The following CDK13 variants were observed in gnomAD, a reference collection of about 807,000 sequenced individuals.
CDK13 encodes the protein cyclin-dependent kinase 13.
Under a neutral mutation model 137.6 loss-of-function variants are expected in CDK13, and 40 were observed. The observed-to-expected ratio is 0.29, with a 90% CI of 0.23 to 0.38. The LOEUF (loss-of-function observed/expected upper bound fraction) is 0.38, where lower values mean the gene tolerates loss of function less well. Among genes scored for constraint, CDK13 ranks in the 10% least tolerant of loss-of-function variants. The pLI, the probability that CDK13 is intolerant of heterozygous loss-of-function variation, is 1.00. For synonymous variants in CDK13, 869 were observed against 760.1 expected (o/e 1.14, Z -2.36); for missense variants, 1,704 against 1,951.8 (o/e 0.87, Z 2.39).
At chr7:40,076,807 A>G (rs1020156190) in intron 9 of CDK13, among the ~76,000 whole-genome samples, 4 of 152,224 alleles carry the variant, frequency 2.6e-5, no homozygotes, top group Admixed American at 2.6e-4. Flanking sequence ...ATATACATTT[A>G]TACATGCATT....
rs185503426 is a variant in CDK13 at position 40,095,641 on chromosome 7, A to G, written c.*661A>G. The G allele has an allele frequency of 1.1e-4, 16 of 152,318 alleles. No homozygotes were observed. The East Asian group carries it at 2.3e-3, about 22-fold the overall frequency. 9.4% of individuals were successfully genotyped at this position (152,318 alleles called of 1,614,324 possible). On this transcript the variant is annotated 3_prime_UTR_variant, in exon 14 of 14. Transcript: ENST00000181839. Reference sequence around the variant, plus strand: ...AAATGAAATAGTGGGTTTTATATGAAAACTATGGGTGGGGTGGGGAGGGAA... The same window carrying G: ...AAATGAAATAGTGGGTTTTATATGAGAACTATGGGTGGGGTGGGGAGGGAA...
At chr7:39,969,119 CCT>C (rs1344657062) in intron 1 of CDK13, among the ~76,000 whole-genome samples, 1 of 152,086 alleles carries the variant, frequency 6.6e-6, no homozygotes, top group Non-Finnish European at 1.5e-5. Flanking sequence ...AAGCGATTCC[CCT>C]GTCTCAGCCT....
Position 40,093,047 on chromosome 7 carries a change from C to G in CDK13, c.3498C>G (p.Ile1166Met). 6.2e-7 allele frequency: 1 copy of G among 1,614,210 alleles called. No individual in the cohort carries two copies. The highest frequency in any genetic ancestry group is 8.5e-7 in the Non-Finnish European group (1 of 1,180,044). ...LGGIQPSSQT[I>M]QPKVETDAAQ... ...GAATTCAGCCTTCTTCTCAGACCAT[C>G]CAGCCTAAAGTGGAGACTGATGCTG... The change falls in exon 13 of 14, where the codon ATC (isoleucine) becomes ATG (methionine). Residue 1166 changes from isoleucine (I) to methionine (M), a missense_variant. Ile to Met is a conservative substitution (Grantham distance 10). Around this residue, in one of 5 missense-constraint regions of CDK13, gnomAD observed 475 missense variants for 579.3 expected, o/e 0.82. Coordinates refer to ENST00000181839, the MANE Select transcript of CDK13 (RefSeq NM_003718.5).
At chr7:40,020,512 C>T (rs1785094464) in intron 5 of CDK13, among the ~76,000 whole-genome samples, 1 of 152,062 alleles carries the variant, frequency 6.6e-6, no homozygotes, top group Non-Finnish European at 1.5e-5. Flanking sequence ...ATTTCGTTGC[C>T]TAAGAAAGGC....
chr7:40,090,484 A>G (rs1433450521), intron 12 of CDK13, among the ~76,000 whole-genome samples: 1 of 152,102 alleles, frequency 6.6e-6, no homozygotes, highest in African/African-American at 2.4e-5. Flanking sequence ...CTCCAGAGTA[A>G]CTGGGATTAC....
chr7:39,953,294 A>G (rs1402245168), intron 1 of CDK13, among the ~76,000 whole-genome samples: 1 of 152,236 alleles, frequency 6.6e-6, no homozygotes, highest in Admixed American at 6.5e-5. Context: ...AAAATTAGCC[A>G]TTGTATCTTG....
intron 12 of CDK13, 122 bp downstream of exon 12, chr7:40,088,453 T>G: frequency 1.3e-6 from 1 of 769,762 alleles, no homozygotes. Context: ...TTCACTGAAC[T>G]AGACATTTCT....
At chr7:40,092,750 T>C in intron 12 of CDK13, 35 bp from the exon 13 acceptor site, 1 of 1,527,066 alleles carries the variant, frequency 6.5e-7, no homozygotes, top group South Asian at 1.1e-5. Flanking sequence ...AGCTGTGAAT[T>C]ATGACAGTTC....
chr7:39,982,816 T>TC (rs1164213509), intron 1 of CDK13, among the ~76,000 whole-genome samples: 1 of 152,232 alleles, frequency 6.6e-6, no homozygotes, highest in African/African-American at 2.4e-5. Context: ...AATGTCTTCT[T>TC]TTGAGAATTG....
intron 7 of CDK13, among the ~76,000 whole-genome samples, chr7:40,055,872 A>G (rs1474345260): frequency 6.6e-6 from 1 of 152,018 alleles, no homozygotes; most frequent in Non-Finnish European, 1.5e-5. Flanking sequence ...ATGAGCCACC[A>G]CGCCCGGATG....
chr7:39,981,222 G>A lies in CDK13; in HGVS notation c.1212-6377G>A, dbSNP rs189405414. Among the ~76,000 whole-genome samples, 28 of 152,068 alleles carry A rather than the reference G, an allele frequency of 1.8e-4. No homozygotes were observed. In the East Asian group the frequency reaches 4.1e-3, roughly 22 times the overall value. On this transcript the variant is annotated intron_variant, in intron 1 of 13. Transcript: ENST00000181839. Reference sequence around the variant, plus strand: ...ATCCCTGCAAAACATACAAAAATTAGTCGAGTGTGGTGGTGCGCGCCTGTA... The same window carrying A: ...ATCCCTGCAAAACATACAAAAATTAATCGAGTGTGGTGGTGCGCGCCTGTA...
intron 1 of CDK13, among the ~76,000 whole-genome samples, chr7:39,965,090 T>C (rs1382616815): frequency 2.0e-5 from 3 of 152,230 alleles, no homozygotes; most frequent in African/African-American, 7.2e-5. Context: ...CTGAAAAGAA[T>C]GTATATTCTG....
chr7:40,078,869 C>A lies in CDK13; in HGVS notation c.3029+18C>A. ...CCACCAGAGTAAGTGACTTTTTATC[C>A]TATTATTATTATATATTATTATTAT... On this transcript the variant is annotated intron_variant, in intron 11 of 13. Coordinates refer to ENST00000181839, the MANE Select transcript of CDK13 (RefSeq NM_003718.5). The A allele has an allele frequency of 8.7e-7, 1 of 1,146,906 alleles. No individual in the cohort carries two copies. The highest frequency in any genetic ancestry group is 1.1e-6 in the Non-Finnish European group (1 of 882,870). 71.0% of individuals were successfully genotyped at this position (1,146,906 alleles called of 1,614,324 possible). A position where few individuals can be genotyped will look rare whatever the true frequency, so the allele number is the denominator to read the frequency against.
At chr7:39,953,158 A>C (rs1787291349) in intron 1 of CDK13, among the ~76,000 whole-genome samples, 1 of 152,222 alleles carries the variant, frequency 6.6e-6, no homozygotes, top group Admixed American at 6.5e-5. Flanking sequence ...ATGTTTATAG[A>C]GATCTGAGCG....
intron 5 of CDK13, among the ~76,000 whole-genome samples, chr7:40,012,430 C>A (rs562842398): frequency 3.1e-4 from 47 of 151,946 alleles, no homozygotes; most frequent in Non-Finnish European, 6.0e-4. Context: ...AAGACCACAT[C>A]TCCTCAGAAA....
At chr7:40,081,187 A>T (rs1786655659) in intron 11 of CDK13, among the ~76,000 whole-genome samples, 1 of 152,104 alleles carries the variant, frequency 6.6e-6, no homozygotes, top group South Asian at 2.1e-4. Flanking sequence ...TCAGAATTAG[A>T]TTAAGAGTTT....
At chr7:40,065,492 A>G (rs1007620907) in intron 9 of CDK13, among the ~76,000 whole-genome samples, 8 of 152,136 alleles carry the variant, frequency 5.3e-5, no homozygotes, top group Admixed American at 2.0e-4. Context: ...CAAAAAAAAA[A>G]TCTCATAATA....
At chr7:39,985,747 G>C (rs1450431343) in intron 1 of CDK13, 2 of 152,188 alleles carry the variant, frequency 1.3e-5, no homozygotes. Flanking sequence ...TCTTATAAGA[G>C]ACTTTAATGC....
At chr7:40,019,712 G>T (rs1268865035) in intron 5 of CDK13, among the ~76,000 whole-genome samples, 2 of 152,174 alleles carry the variant, frequency 1.3e-5, no homozygotes, top group African/African-American at 4.8e-5. Context: ...GTTGGCACAT[G>T]AAATTAACCT....
Sources: allele counts gnomAD v4.1 joint callset (sites outside exome capture counted in the v4.1 genomes callset), GRCh38; gene constraint gnomAD v4.1.1; regional missense constraint gnomAD v4.1.1; transcripts MANE v1.5; gene names NCBI Gene and HGNC (gene_info 2026-07-23, HGNC 2026-07-21).